Variants in PDXDC1 observed in about 807,000 individuals in gnomAD.
The protein encoded by PDXDC1 is pyridoxal-dependent decarboxylase domain-containing protein 1.
In PDXDC1, 42 loss-of-function variants were observed where a neutral mutation model predicts 100.1. That is an observed-to-expected ratio of 0.42 (90% CI 0.33 to 0.54). The LOEUF (loss-of-function observed/expected upper bound fraction) is 0.54. PDXDC1 is among the 20% of genes least tolerant of loss of function. The probability of loss-of-function intolerance (pLI) is 0.10; values close to 1 mark genes in which losing one functional copy is unlikely to be tolerated. For missense variants in PDXDC1, 636 were observed against 979.2 expected, an observed-to-expected ratio of 0.65 and a Z score of 4.68; for synonymous variants, 260 against 371.7, an observed-to-expected ratio of 0.70 and a Z score of 3.46.
chr16:15,098,317 C>T (rs186359169), intron 16 of PDXDC1, among the ~76,000 whole-genome samples: 31 of 151,316 alleles, frequency 2.0e-4, no homozygotes, highest in Admixed American at 1.6e-3. Context: ...TCTCCTGCCT[C>T]AGCCTCCTGA....
rs1333548512 is a variant in PDXDC1, at chr16:15,004,175, T to G, written c.243-12T>G. 6.2e-7 allele frequency: 1 copy of G among 1,610,840 alleles called. No homozygotes were observed. Among genetic ancestry groups the G allele is most frequent in the African/African-American group, 1.3e-5 (1 of 74,806 alleles). On this transcript the variant is annotated splice_polypyrimidine_tract_variant and intron_variant, in intron 4 of 22. Coordinates refer to ENST00000396410, the MANE Select transcript of PDXDC1 (RefSeq NM_015027.4). ...TATGGTTTGACTCTAATACTTTAATTTTGCTTAACAGAATCCAAAATATTG... is the reference window on the plus strand; with the variant it reads ...TATGGTTTGACTCTAATACTTTAATGTTGCTTAACAGAATCCAAAATATTG...
rs139044962 is a variant in PDXDC1 at position 15,074,786 on chromosome 16, C to T, written c.1399+44730C>T. ...AAAGACATCAGGATGTCCAGGCGCT[C>T]GGCTACAGGATGCACCATCTGGTCG... On this transcript the variant is annotated intron_variant, in intron 16 of 16. Transcript: ENST00000535621. 180 of 1,614,010 alleles carry T rather than the reference C, an allele frequency of 1.1e-4. 1 individual carries two copies. In the East Asian group the frequency reaches 1.6e-3, roughly 15 times the overall value.
intron 1 of PDXDC1, among the ~76,000 whole-genome samples, chr16:14,982,873 A>G (rs1968317084): frequency 6.6e-6 from 1 of 152,264 alleles, no homozygotes; most frequent in South Asian, 2.1e-4. Context: ...CTTTTTGCAG[A>G]GATGAAGGTT....
intron 21 of PDXDC1, 144 bp from the exon 22 acceptor site, chr16:15,035,305 A>C (rs7404526): frequency 6.0e-6 from 3 of 499,680 alleles, no homozygotes; most frequent in South Asian, 3.4e-5. Flanking sequence ...CGGCACATTC[A>C]TAAGTGCCCT....
chr16:15,013,669 GT>G (rs2041535652), intron 8 of PDXDC1, among the ~76,000 whole-genome samples: 1 of 152,254 alleles, frequency 6.6e-6, no homozygotes, highest in Admixed American at 6.5e-5. Flanking sequence ...AAGGTCAGGA[GT>G]TCAAGACCAG....
At chr16:14,995,615 G>C (rs1364214826) in intron 1 of PDXDC1, among the ~76,000 whole-genome samples, 1 of 152,280 alleles carries the variant, frequency 6.6e-6, no homozygotes, top group Non-Finnish European at 1.5e-5. Flanking sequence ...TTTTTGTTGT[G>C]TCTCTGCCAG....
At chr16:15,035,393 G>A in intron 21 of PDXDC1, 56 bp from the exon 22 acceptor site, 2 of 961,638 alleles carry the variant, frequency 2.1e-6, no homozygotes, top group Non-Finnish European at 3.1e-6. Context: ...GGCAGGTGGT[G>A]TCTTCAAGGG....
chr16:15,074,881 A>G, intron 16 of PDXDC1: 1 of 1,593,016 alleles, frequency 6.3e-7, no homozygotes, highest in Non-Finnish European at 8.6e-7. Flanking sequence ...CAAAAAGTAA[A>G]TACTAACATT....
chr16:15,077,232 G>C (rs1196805861), intron 16 of PDXDC1, among the ~76,000 whole-genome samples: 2 of 151,994 alleles, frequency 1.3e-5, no homozygotes, highest in East Asian at 1.9e-4. Flanking sequence ...ACCGGCCTCA[G>C]CTTCCCAAAG....
intron 1 of PDXDC1, among the ~76,000 whole-genome samples, chr16:14,983,080 C>G (rs1185530684): frequency 6.6e-6 from 1 of 152,230 alleles, no homozygotes; most frequent in Non-Finnish European, 1.5e-5. Flanking sequence ...ATATGAGCAG[C>G]TGGTTTCTCT....
downstream of PDXDC1, among the ~76,000 whole-genome samples, chr16:15,038,844 C>T (rs1411636938): frequency 1.3e-5 from 2 of 152,224 alleles, no homozygotes; most frequent in East Asian, 1.9e-4. Context: ...CTACTGAACA[C>T]GTCCAGTGTG....
chr16:15,096,007 G>A (rs1474539278), intron 16 of PDXDC1, among the ~76,000 whole-genome samples: 2 of 152,054 alleles, frequency 1.3e-5, no homozygotes, highest in Admixed American at 6.6e-5. Flanking sequence ...GAGCCCTGGA[G>A]GTCAAGGCTG....
At chr16:15,083,544 A>T in intron 16 of PDXDC1, 2 of 1,609,364 alleles carry the variant, frequency 1.2e-6, no homozygotes, top group Non-Finnish European at 1.7e-6. Context: ...AACAAATGGA[A>T]ATTTTTCCAC....
intron 16 of PDXDC1, chr16:15,065,460 AC>A: frequency 9.0e-7 from 1 of 1,105,700 alleles, no homozygotes; most frequent in South Asian, 1.7e-5. Context: ...AACTGTACCT[AC>A]CACAGAGAAA....
chr16:15,100,269 A>G (rs1288361948), intron 16 of PDXDC1, among the ~76,000 whole-genome samples: 2 of 152,230 alleles, frequency 1.3e-5, no homozygotes, highest in Non-Finnish European at 2.9e-5. Flanking sequence ...CTTTCCAAAG[A>G]GTCAACAATT....
At chr16:15,086,725 C>T (rs1213302381) in intron 16 of PDXDC1, among the ~76,000 whole-genome samples, 2 of 152,134 alleles carry the variant, frequency 1.3e-5, no homozygotes, top group Non-Finnish European at 2.9e-5. Context: ...CCTGAAAAAG[C>T]GAAATCACCT....
At chr16:14,976,907 G>A (rs1298230898) in intron 1 of PDXDC1, 1 of 152,310 alleles carries the variant, frequency 6.6e-6, no homozygotes, top group African/African-American at 2.4e-5. Context: ...CTAAGAAGGT[G>A]GGTGGGCTTC....
chr16:15,071,517 C>T (rs2045228091), intron 16 of PDXDC1, among the ~76,000 whole-genome samples: 1 of 152,244 alleles, frequency 6.6e-6, no homozygotes, highest in Admixed American at 6.5e-5. Flanking sequence ...CCTGTAATCC[C>T]AGCACTTTGG....
chr16:15,083,454 C>T, intron 16 of PDXDC1: 1 of 1,601,906 alleles, frequency 6.2e-7, no homozygotes, highest in Non-Finnish European at 8.5e-7. Context: ...CTAATATCAT[C>T]TAAAATGAAA....
Sources: gnomAD v4.1 joint callset for allele counts (sites outside exome capture counted in the v4.1 genomes callset) on GRCh38, gnomAD v4.1.1 for gene constraint, MANE v1.5 for transcripts, NCBI Gene and HGNC (gene_info 2026-07-23, HGNC 2026-07-21) for gene names.